Variants in CRADD observed in about 807,000 individuals in gnomAD.
CRADD encodes the protein CARD and death domain containing adaptor protein.
In CRADD, 9 loss-of-function variants were observed where a neutral mutation model predicts 15.5. The ratio of observed to expected loss-of-function variants is 0.58; its 90% CI spans 0.35 to 1.01. CRADD has a LOEUF of 1.01. CRADD is among the 50% of genes least tolerant of loss of function. The pLI, the probability that CRADD is intolerant of heterozygous loss-of-function variation, is 0.02. For synonymous variants in CRADD, 118 were observed against 107.6 expected, an observed-to-expected ratio of 1.10 and a Z score of -0.60; for missense variants, 227 against 250.3, an observed-to-expected ratio of 0.91 and a Z score of 0.63.
intron 2 of CRADD, among the ~76,000 whole-genome samples, chr12:93,885,028 G>A (rs1958526365): frequency 6.6e-6 from 1 of 152,130 alleles, no homozygotes; most frequent in Admixed American, 6.5e-5. Context: ...AGGGGTGCTA[G>A]GAAGAGGTGG....
Position 93,888,759 on chromosome 12 carries a change from G to C in CRADD, c.299-5291G>C, listed in dbSNP as rs368881613. ...GTTAATCCATTAGAGCTGGAGAGAA[G>C]TAGACAGATTCAAGAGCTCCTTAAG... On this transcript the variant is annotated intron_variant, in intron 2 of 2. Coordinates refer to the CRADD transcript ENST00000548483. Among the ~76,000 whole-genome samples the C allele has an allele frequency of 3.3e-5, 5 of 152,290 alleles. No individual in the cohort carries two copies. In the East Asian group the frequency reaches 7.7e-4, roughly 24 times the overall value.
chr12:93,745,400 C>G (rs1036699647), intron 2 of CRADD, among the ~76,000 whole-genome samples: 1 of 152,152 alleles, frequency 6.6e-6, no homozygotes, highest in Non-Finnish European at 1.5e-5. Context: ...TATGAATACT[C>G]TTTTGGACTT....
At chr12:93,721,323 A>G (rs1413244491) in intron 2 of CRADD, among the ~76,000 whole-genome samples, 1 of 152,150 alleles carries the variant, frequency 6.6e-6, no homozygotes, top group East Asian at 1.9e-4. Context: ...ATAACTCTGT[A>G]CTAATACATG....
At chr12:93,703,839 G>A (rs1452640370) in intron 2 of CRADD, among the ~76,000 whole-genome samples, 1 of 152,078 alleles carries the variant, frequency 6.6e-6, no homozygotes, top group Non-Finnish European at 1.5e-5. Context: ...AGTAATTCAA[G>A]AACAGACCTT....
In CRADD at chr12:93,809,884, C is replaced by T. The variant is rs149662417; in HGVS notation, c.299-40086C>T. Among the ~76,000 whole-genome samples, 26 of 152,300 alleles carry T rather than the reference C, an allele frequency of 1.7e-4. No individual in the cohort carries two copies. In the East Asian group the frequency reaches 4.2e-3, roughly 25 times the overall value. ...TGTATTCAACAGTCTCATCCCTTCC[C>T]CTCAACTTGTGTTCTCCTTGATAGA... is the stretch of plus-strand genomic sequence containing the variant. On this transcript the variant is annotated intron_variant, in intron 2 of 2. Transcript: ENST00000332896.
intron 2 of CRADD, among the ~76,000 whole-genome samples, chr12:93,744,124 C>T (rs1956720108): frequency 6.6e-6 from 1 of 152,138 alleles, no homozygotes; most frequent in Non-Finnish European, 1.5e-5. Flanking sequence ...TTCTGTGGGT[C>T]AGAAGCTTGG....
At chr12:93,790,195 CT>C (rs558433682) in intron 2 of CRADD, among the ~76,000 whole-genome samples, 10 of 152,140 alleles carry the variant, frequency 6.6e-5, no homozygotes, top group African/African-American at 2.4e-4. Flanking sequence ...GCAGAAAGAG[CT>C]TTGTTTCTCT....
chr12:93,699,566 A>AT (rs1275410633), intron 2 of CRADD, among the ~76,000 whole-genome samples: 1 of 152,132 alleles, frequency 6.6e-6, no homozygotes, highest in Admixed American at 6.5e-5. Flanking sequence ...TATTTAATGT[A>AT]TTTTTTACAT....
At chr12:93,789,576 G>A (rs1957326000) in intron 2 of CRADD, among the ~76,000 whole-genome samples, 1 of 152,134 alleles carries the variant, frequency 6.6e-6, no homozygotes, top group Admixed American at 6.5e-5. Context: ...CTCAGTGTTT[G>A]CTGGAGATGA....
intron 2 of CRADD, among the ~76,000 whole-genome samples, chr12:93,820,529 AC>A (rs1422259384): frequency 6.6e-6 from 1 of 151,204 alleles, no homozygotes; most frequent in Non-Finnish European, 1.5e-5. Context: ...AGGCTGGGCA[AC>A]AGAGCGAGAC....
At chr12:93,721,648 T>C (rs1039126189) in intron 2 of CRADD, among the ~76,000 whole-genome samples, 4 of 152,208 alleles carry the variant, frequency 2.6e-5, no homozygotes, top group Non-Finnish European at 4.4e-5. Context: ...TATTAGGTAT[T>C]ATAAGTAATC....
At chr12:93,745,225 T>C (rs1023194634) in intron 2 of CRADD, among the ~76,000 whole-genome samples, 4 of 152,236 alleles carry the variant, frequency 2.6e-5, no homozygotes, top group African/African-American at 9.6e-5. Flanking sequence ...TACTGTTTTC[T>C]ACTTAAATTC....
chr12:93,808,808 C>T (rs917338469), intron 2 of CRADD, among the ~76,000 whole-genome samples: 1 of 152,106 alleles, frequency 6.6e-6, no homozygotes, highest in African/African-American at 2.4e-5. Flanking sequence ...CTCAGACTGA[C>T]CATGTTCCTA....
intron 2 of CRADD, among the ~76,000 whole-genome samples, chr12:93,696,662 A>G (rs1235389631): frequency 1.3e-5 from 2 of 152,166 alleles, no homozygotes; most frequent in African/African-American, 4.8e-5. Flanking sequence ...TCTATTGTGC[A>G]ACATGATGAC....
In CRADD at chr12:93,824,321, C is replaced by G. The variant is rs999240526; in HGVS notation, c.299-25649C>G. Among the ~76,000 whole-genome samples, 1 of 152,102 alleles carries G rather than the reference C, an allele frequency of 6.6e-6. No individual in the cohort carries two copies. The highest frequency in any genetic ancestry group is 2.4e-5 in the African/African-American group (1 of 41,422). ...TATGTAGATAAGCTGTTTCATTTTT[C>G]ATCCCTATAATTTCCTAGGTTTGAT... On this transcript the variant is annotated intron_variant, in intron 2 of 2. Coordinates refer to ENST00000332896, the MANE Select transcript of CRADD (RefSeq NM_003805.5). The surrounding 1 kb of genome is among the most constrained non-coding windows in gnomAD (Gnocchi z 4.3).
chr12:93,683,481 G>A (rs1219279158), intron 2 of CRADD, among the ~76,000 whole-genome samples: 1 of 152,226 alleles, frequency 6.6e-6, no homozygotes, highest in Non-Finnish European at 1.5e-5. Flanking sequence ...CAACTCTTGA[G>A]CCTGTTGGAA....
intron 2 of CRADD, among the ~76,000 whole-genome samples, chr12:93,722,708 A>G (rs1054312378): frequency 1.3e-5 from 2 of 151,956 alleles, no homozygotes. Flanking sequence ...CTTTGGTTAC[A>G]TTGCCTATGT....
At chr12:93,829,689 T>TTTGTTGTTG (rs3029435) in intron 2 of CRADD, among the ~76,000 whole-genome samples, 1 of 151,486 alleles carries the variant, frequency 6.6e-6, no homozygotes, top group Non-Finnish European at 1.5e-5. Flanking sequence ...GTTTTGGTTT[T>TTTGTTGTTG]TTGTTGTTGT....
rs1459991204 is a variant in CRADD, at chr12:93,753,147, A to G, written c.298+74075A>G. On this transcript the variant is annotated intron_variant, in intron 2 of 2. Coordinates refer to ENST00000332896, the MANE Select transcript of CRADD (RefSeq NM_003805.5). ...ATCAAGGAGCAAAGTCACGTCTTAC[A>G]TGGTGGCAGGCGAGAGAGTGTGTGT... Among the ~76,000 whole-genome samples the G allele has an allele frequency of 5.9e-5, 9 of 152,286 alleles. No homozygotes were observed. The East Asian group carries it at 1.4e-3, about 23-fold the overall frequency.
Sources: allele counts gnomAD v4.1 joint callset (sites outside exome capture counted in the v4.1 genomes callset), GRCh38; gene constraint gnomAD v4.1.1; non-coding constraint Gnocchi (gnomAD v3.1); transcripts MANE v1.5; gene names NCBI Gene and HGNC (gene_info 2026-07-23, HGNC 2026-07-21).